PDE9A: variants seen among roughly 807,000 people sequenced by gnomAD.
PDE9A encodes high affinity cGMP-specific 3',5'-cyclic phosphodiesterase 9A.
Under a neutral mutation model 87.4 loss-of-function variants are expected in PDE9A, and 60 were observed. The observed-to-expected ratio is 0.69, with a 90% CI of 0.56 to 0.85. PDE9A has a LOEUF of 0.85. Among genes scored for constraint, PDE9A ranks in the 40% least tolerant of loss-of-function variants. The pLI is 0.00. For missense variants in PDE9A, 665 were observed against 779.0 expected (o/e 0.85, Z 1.74); for synonymous variants, 272 against 279.4 (o/e 0.97, Z 0.27).
chr21:42,716,891 C>T (rs1569193735), intron 4 of PDE9A, among the ~76,000 whole-genome samples: 1 of 150,576 alleles, frequency 6.6e-6, no homozygotes, highest in Non-Finnish European at 1.5e-5. Flanking sequence ...GCTGGGATTA[C>T]AGATGTGTGC....
chr21:42,656,643 A>T (rs2057095176), intron 1 of PDE9A, among the ~76,000 whole-genome samples: 3 of 152,160 alleles, frequency 2.0e-5, no homozygotes. Flanking sequence ...CACAGGTGTC[A>T]CATCACCAGA....
chr21:42,680,245 ATC>A (rs1302881688), intron 1 of PDE9A, among the ~76,000 whole-genome samples: 1 of 152,154 alleles, frequency 6.6e-6, no homozygotes, highest in African/African-American at 2.4e-5. Context: ...CCAGCTCCAC[ATC>A]TCTCAGTAAA....
chr21:42,686,859 A>G (rs1438700193), intron 2 of PDE9A, among the ~76,000 whole-genome samples: 1 of 151,854 alleles, frequency 6.6e-6, no homozygotes, highest in African/African-American at 2.4e-5. Context: ...TTTTCCTCTC[A>G]CTTCTTCATT....
In PDE9A at chr21:42,695,087, G is replaced by A. The variant is rs1004488826; in HGVS notation, c.219-3881G>A. ...GGACGTTTGGTGCAATCTGGAGCAC[G>A]CTCAAGCCGGCATTTGAAATAACCT... On this transcript the variant is annotated intron_variant, in intron 3 of 19. Coordinates refer to ENST00000291539, the MANE Select transcript of PDE9A (RefSeq NM_002606.3). This position sits in a 1 kb window ranked among gnomAD's most constrained non-coding sequence, Gnocchi z 4.3. 2.0e-5 allele frequency among the ~76,000 whole-genome samples: 3 copies of A among 152,166 alleles called. No individual in the cohort carries two copies. Among genetic ancestry groups the A allele is most frequent in the Non-Finnish European group, 2.9e-5 (2 of 68,024 alleles).
chr21:42,656,310 C>G (rs73905718), intron 1 of PDE9A, among the ~76,000 whole-genome samples: 29,291 of 152,128 alleles, frequency 0.19, 2,932 homozygotes, highest in African/African-American at 0.26. Context: ...TGGGCACACC[C>G]GCCCCTTCGT....
intron 1 of PDE9A, among the ~76,000 whole-genome samples, chr21:42,658,522 C>T (rs2057260632): frequency 6.6e-6 from 1 of 152,362 alleles, no homozygotes; most frequent in African/African-American, 2.4e-5. Flanking sequence ...CTGCCCACGA[C>T]ATGGTCAAAT....
rs2145819800 is a variant in PDE9A at position 42,660,818 on chromosome 21, T to A, written c.69+6935T>A. Among the ~76,000 whole-genome samples, 1 of 151,910 alleles carries A rather than the reference T, an allele frequency of 6.6e-6. No individual in the cohort carries two copies. Among genetic ancestry groups the A allele is most frequent in the Middle Eastern group, 3.4e-3 (1 of 294 alleles). ...ACATTTTCAAGCTCAAAAAGAAATATTTTCACTTGAGGGTGCAACTTATTT... is the reference window on the plus strand; with the variant it reads ...ACATTTTCAAGCTCAAAAAGAAATAATTTCACTTGAGGGTGCAACTTATTT... On this transcript the variant is annotated intron_variant, in intron 1 of 19. Coordinates refer to ENST00000291539, the MANE Select transcript of PDE9A (RefSeq NM_002606.3). The surrounding 1 kb of genome is among the most constrained non-coding windows in gnomAD (Gnocchi z 4.7).
rs35644198 is a variant in PDE9A, at chr21:42,719,639, CAAA to C, written c.263-12111_263-12109del. 7.1e-3 allele frequency among the ~76,000 whole-genome samples: 924 copies of C among 131,016 alleles called. 11 individuals carry two copies. The highest frequency in any genetic ancestry group is 0.017 in the African/African-American group (640 of 38,308). 86.0% of individuals were successfully genotyped at this position (131,016 alleles called of 152,430 possible). A position where few individuals can be genotyped will look rare whatever the true frequency, so the allele number is the denominator to read the frequency against. On this transcript the variant is annotated intron_variant, in intron 4 of 19. Coordinates refer to ENST00000291539, the MANE Select transcript of PDE9A (RefSeq NM_002606.3). Reference sequence around the variant, plus strand: ...TGGGTGACAGAGTGAGAGTCTGTCTCAAAAAAAAAAAAAAAAAAAAAAGAAATA... The same window carrying C: ...TGGGTGACAGAGTGAGAGTCTGTCTCAAAAAAAAAAAAAAAAAAAGAAATA...
chr21:42,767,025 C>A (rs921887725), intron 15 of PDE9A, among the ~76,000 whole-genome samples: 1 of 152,114 alleles, frequency 6.6e-6, no homozygotes, highest in Non-Finnish European at 1.5e-5. Flanking sequence ...AGGCTCAGAG[C>A]CCAGGGTTCC....
chr21:42,746,517 T>G (rs973865041), intron 8 of PDE9A, among the ~76,000 whole-genome samples: 7 of 152,166 alleles, frequency 4.6e-5, no homozygotes, highest in African/African-American at 1.4e-4. Context: ...TTCCCCCTTT[T>G]TGTAAGGACA....
chr21:42,706,583 G>A (rs2146405430), intron 4 of PDE9A, among the ~76,000 whole-genome samples: 1 of 152,032 alleles, frequency 6.6e-6, no homozygotes. Flanking sequence ...GGTAGAGGTT[G>A]CAGCAAGCCG....
chr21:42,752,813 G>C (rs1157300751), intron 9 of PDE9A, among the ~76,000 whole-genome samples: 1 of 152,214 alleles, frequency 6.6e-6, no homozygotes, highest in East Asian at 1.9e-4. Context: ...TTCTGTCCTT[G>C]TGACAGCTTA....
intron 1 of PDE9A, among the ~76,000 whole-genome samples, chr21:42,684,583 CAGG>C (rs1158947919): frequency 2.0e-5 from 3 of 152,196 alleles, no homozygotes; most frequent in Non-Finnish European, 2.9e-5. Flanking sequence ...AACCAGGACA[CAGG>C]AGGAGAAGCA....
At chr21:42,667,239 A>T (rs1317934551) in intron 1 of PDE9A, among the ~76,000 whole-genome samples, 3 of 152,246 alleles carry the variant, frequency 2.0e-5, no homozygotes, top group Non-Finnish European at 2.9e-5. Flanking sequence ...AACTTCTAGC[A>T]GCCCATAAGC....
At position 42,768,277 on chromosome 21, in the gene PDE9A, G is replaced by A. The variant is rs753807515; in HGVS notation, c.1446G>A (p.Glu482=). ...AGCCTTGGGTGGACTGTTTATTAGA[G>A]GAATATTTTATGCAGGTAAGAGTCT... ...VAEPWVDCLL[E]EYFMQSDREK... is the part of the protein sequence containing the mutation. The change falls in exon 16 of 20, where the codon GAG becomes GAA. Residue 482 remains glutamate, a synonymous_variant. Transcript: ENST00000291539. 3 of 1,592,128 alleles carry A rather than the reference G, an allele frequency of 1.9e-6. No individual in the cohort carries two copies. Among genetic ancestry groups the A allele is most frequent in the East Asian group, 2.2e-5 (1 of 44,808 alleles).
chr21:42,762,459 C>CACTT (rs2055900734), intron 14 of PDE9A, among the ~76,000 whole-genome samples: 1 of 152,252 alleles, frequency 6.6e-6, no homozygotes, highest in Admixed American at 6.5e-5. Context: ...CACTGACCTG[C>CACTT]ACTTCCCAGC....
At chr21:42,746,344 A>G (rs1446149134) in intron 8 of PDE9A, among the ~76,000 whole-genome samples, 3 of 152,210 alleles carry the variant, frequency 2.0e-5, no homozygotes, top group Non-Finnish European at 4.4e-5. Flanking sequence ...GTATTCCCAC[A>G]TAGTTCTGGA....
At chr21:42,737,777 G>C (rs1180741050) in intron 7 of PDE9A, among the ~76,000 whole-genome samples, 1 of 152,178 alleles carries the variant, frequency 6.6e-6, no homozygotes, top group Admixed American at 6.5e-5. Context: ...TCTGCCTCTT[G>C]AGTTAAAGGA....
At chr21:42,661,407 C>T (rs1229816078) in intron 1 of PDE9A, among the ~76,000 whole-genome samples, 3 of 151,130 alleles carry the variant, frequency 2.0e-5, no homozygotes, top group Middle Eastern at 3.4e-3. Context: ...TCCCCCAGCC[C>T]CTGACCCCCA....
Sources: allele counts gnomAD v4.1 joint callset (sites outside exome capture counted in the v4.1 genomes callset), GRCh38; gene constraint gnomAD v4.1.1; non-coding constraint Gnocchi (gnomAD v3.1); transcripts MANE v1.5; gene names NCBI Gene and HGNC (gene_info 2026-07-23, HGNC 2026-07-21).